Variants in CLOCK observed in about 807,000 individuals in gnomAD.
The protein encoded by CLOCK is circadian locomoter output cycles protein kaput.
A neutral mutation model predicts 118.4 loss-of-function variants in CLOCK; 43 were observed. The ratio of observed to expected loss-of-function variants is 0.36; its 90% confidence interval spans 0.28 to 0.47. The LOEUF is 0.47. Ranked by LOEUF, CLOCK falls within the 20% of genes least tolerant of loss-of-function variation. The pLI is 1.00. For synonymous variants in CLOCK, 326 were observed against 339.2 expected (o/e 0.96, Z 0.43); for missense variants, 846 against 999.9 (o/e 0.85, Z 2.08).
At position 55,435,244 on chromosome 4, in the gene CLOCK, A is replaced by C. The variant is rs376630249; in HGVS notation, c.*171T>G. 16 of 720,890 alleles carry C rather than the reference A, an allele frequency of 2.2e-5. No individual in the cohort carries two copies. Among genetic ancestry groups the C allele is most frequent in the South Asian group, 1.6e-4 (9 of 57,778 alleles). The allele number at this position is 720,890 out of a possible 1,614,324, so 44.7% of individuals were successfully genotyped here. A position where few individuals can be genotyped will look rare whatever the true frequency, so the allele number is the denominator to read the frequency against. On this transcript the variant is annotated 3_prime_UTR_variant, in exon 23 of 23. Coordinates refer to ENST00000513440, the MANE Select transcript of CLOCK (RefSeq NM_004898.4). ...TCCTGCTGGCTGGTATTTAATGTAC[A>C]TCTGTAGCACTAGGCAGCATTTTCT...
chr4:55,447,211 A>C (rs1326441743), intron 18 of CLOCK, among the ~76,000 whole-genome samples: 1 of 152,080 alleles, frequency 6.6e-6, no homozygotes, highest in Non-Finnish European at 1.5e-5. Flanking sequence ...TACTAAAAAT[A>C]TAAAAACTAG....
chr4:55,531,815 T>C (rs561220253), intron 1 of CLOCK, among the ~76,000 whole-genome samples: 1 of 147,826 alleles, frequency 6.8e-6, no homozygotes, highest in South Asian at 2.2e-4. Context: ...AAAGCCGCCA[T>C]TACCCTGATA....
intron 2 of CLOCK, among the ~76,000 whole-genome samples, chr4:55,495,456 T>C (rs1298269029): frequency 6.6e-6 from 1 of 152,202 alleles, no homozygotes; most frequent in Non-Finnish European, 1.5e-5. Context: ...CCAAGCCCTG[T>C]TGGTGGGGTG....
intron 18 of CLOCK, among the ~76,000 whole-genome samples, chr4:55,447,811 C>T (rs1723995549): frequency 6.6e-6 from 1 of 152,022 alleles, no homozygotes; most frequent in Admixed American, 6.6e-5. Context: ...ATGATCATTC[C>T]TTGAAATCAA....
chr4:55,511,491 G>A (rs1373937394), intron 1 of CLOCK, among the ~76,000 whole-genome samples: 1 of 152,074 alleles, frequency 6.6e-6, no homozygotes, highest in East Asian at 1.9e-4. Context: ...CACTGTTTCA[G>A]GTCCACATAA....
In CLOCK at chr4:55,434,217, G is replaced by T. The variant is rs1425243550; in HGVS notation, c.*1198C>A. Reference sequence around the variant, plus strand: ...TGAATTAAAATCAAGGCACTATGGGGTTTTTTCCCCTCAAATAACCCTGAA... The same window carrying T: ...TGAATTAAAATCAAGGCACTATGGGTTTTTTTCCCCTCAAATAACCCTGAA... On this transcript the variant is annotated 3_prime_UTR_variant, in exon 23 of 23. Coordinates refer to ENST00000513440, the MANE Select transcript of CLOCK (RefSeq NM_004898.4). 10 of 152,560 alleles carry T rather than the reference G, an allele frequency of 6.6e-5. No individual in the cohort carries two copies. The allele number at this position is 152,560 out of a possible 1,614,324, so 9.5% of individuals were successfully genotyped here. A position where few individuals can be genotyped will look rare whatever the true frequency, so the allele number is the denominator to read the frequency against.
intron 1 of CLOCK, among the ~76,000 whole-genome samples, chr4:55,541,265 T>C (rs187624267): frequency 2.0e-5 from 3 of 152,362 alleles, no homozygotes; most frequent in African/African-American, 4.8e-5. Flanking sequence ...AATGCCATTA[T>C]GTAATTATAG....
intron 1 of CLOCK, among the ~76,000 whole-genome samples, chr4:55,535,694 T>TGG (rs1480161445): frequency 6.6e-6 from 1 of 151,336 alleles, no homozygotes; most frequent in East Asian, 1.9e-4. Flanking sequence ...TGAGGAGCTG[T>TGG]GGAAGCATGG....
chr4:55,499,754 G>C (rs565095513), intron 2 of CLOCK, among the ~76,000 whole-genome samples: 1 of 152,356 alleles, frequency 6.6e-6, no homozygotes, highest in South Asian at 2.1e-4. Context: ...GATTTGAGCA[G>C]TGGTTTACAC....
At position 55,435,486 on chromosome 4, in the gene CLOCK, G is replaced by A; in HGVS notation, c.2470C>T (p.Gln824Ter). ...PQSHHQQHQS[Q>*]QQQQLSRHRT... ...TGCCGGCTGAGTTGCTGCTGTTGCTGAGACTGATGTTGCTGGTGATGTGAC... is the reference window on the plus strand; with the variant it reads ...TGCCGGCTGAGTTGCTGCTGTTGCTAAGACTGATGTTGCTGGTGATGTGAC... Residue 824 changes from glutamine (Q) to a stop codon, truncating the protein, a stop_gained, in exon 23 of 23, where the codon CAG becomes TAG. Transcript: ENST00000513440. LOFTEE classifies it high-confidence loss of function. 1 of 1,614,054 alleles carries A rather than the reference G, an allele frequency of 6.2e-7. No individual in the cohort carries two copies. Among genetic ancestry groups the A allele is most frequent in the Non-Finnish European group, 8.5e-7 (1 of 1,179,936 alleles).
chr4:55,543,526 G>A (rs1040681203), intron 1 of CLOCK, among the ~76,000 whole-genome samples: 1 of 152,220 alleles, frequency 6.6e-6, no homozygotes, highest in Non-Finnish European at 1.5e-5. Context: ...TATACGAGTA[G>A]CTGTGCTCCC....
At chr4:55,465,050 A>T (rs938327431) in intron 8 of CLOCK, among the ~76,000 whole-genome samples, 1 of 152,148 alleles carries the variant, frequency 6.6e-6, no homozygotes, top group Non-Finnish European at 1.5e-5. Context: ...TTAAAAATAA[A>T]ATTCTTTTAT....
intron 9 of CLOCK, among the ~76,000 whole-genome samples, chr4:55,462,475 C>T (rs764340161): frequency 5.3e-5 from 8 of 152,106 alleles, no homozygotes; most frequent in Non-Finnish European, 1.0e-4. Context: ...GATGGGGTTT[C>T]GCCATGTTGG....
At chr4:55,533,352 G>C (rs1475315655) in intron 1 of CLOCK, among the ~76,000 whole-genome samples, 1 of 152,090 alleles carries the variant, frequency 6.6e-6, no homozygotes, top group Non-Finnish European at 1.5e-5. Context: ...AGGGTGCCAA[G>C]ACTACCCAAT....
intron 8 of CLOCK, among the ~76,000 whole-genome samples, chr4:55,466,872 G>A (rs998470076): frequency 5.9e-5 from 9 of 152,108 alleles, no homozygotes; most frequent in East Asian, 1.9e-4. Flanking sequence ...TCCCTTACTC[G>A]TTTCATGAAA....
At chr4:55,539,555 A>T (rs1210203681) in intron 1 of CLOCK, among the ~76,000 whole-genome samples, 1 of 116,072 alleles carries the variant, frequency 8.6e-6, no homozygotes, top group Non-Finnish European at 1.7e-5. Context: ...CCTGGGTGCC[A>T]GAGTGAGACC....
At chr4:55,442,783 G>C (rs2109684415) in intron 20 of CLOCK, 149 bp from the exon 21 acceptor site, 1 of 746,076 alleles carries the variant, frequency 1.3e-6, no homozygotes, top group South Asian at 1.6e-5. Context: ...AACCACAAAG[G>C]AATGACTCGT....
At chr4:55,513,530 ACCACAC>A (rs1729297093) in intron 1 of CLOCK, among the ~76,000 whole-genome samples, 9 of 152,048 alleles carry the variant, frequency 5.9e-5, no homozygotes, top group Admixed American at 5.9e-4. Flanking sequence ...TTTCACCAAT[ACCACAC>A]TGCTTGATGA....
chr4:55,489,991 C>G (rs1042457909), intron 2 of CLOCK, among the ~76,000 whole-genome samples: 9 of 151,768 alleles, frequency 5.9e-5, no homozygotes, highest in African/African-American at 2.2e-4. Context: ...AGAGGGACAA[C>G]AGCACTACAA....
Sources: allele counts gnomAD v4.1 joint callset (sites outside exome capture counted in the v4.1 genomes callset), GRCh38; gene constraint gnomAD v4.1.1; transcripts MANE v1.5; gene names NCBI Gene and HGNC (gene_info 2026-07-23, HGNC 2026-07-21).